Variants in PPM1B observed in about 807,000 individuals in gnomAD.
PPM1B encodes protein phosphatase, Mg2+/Mn2+ dependent 1B, also known as protein phosphatase 1B.
PPM1B carries 22 observed loss-of-function variants against 43.0 expected under a neutral mutation model. The ratio of observed to expected loss-of-function variants is 0.51; its 90% CI spans 0.37 to 0.73. The LOEUF (loss-of-function observed/expected upper bound fraction) is 0.73, where lower values mean the gene tolerates loss of function less well. Ranked by LOEUF, PPM1B falls within the 30% of genes least tolerant of loss-of-function variation. PPM1B has a pLI of 0.00. For missense variants in PPM1B, 632 were observed against 584.2 expected (o/e 1.08, Z -0.84); for synonymous variants, 217 against 197.9 (o/e 1.10, Z -0.81).
At chr2:44,235,451 A>G (rs535477389), downstream of PPM1B, among the ~76,000 whole-genome samples, 1 of 152,210 alleles carries the variant, frequency 6.6e-6, no homozygotes, top group South Asian at 2.1e-4. Context: ...TAAAAATACA[A>G]AATTAGCCAG....
Position 44,177,963 on chromosome 2 carries a change from G to T in PPM1B, c.-15+8689G>T, listed in dbSNP as rs150110963. Reference sequence around the variant, plus strand: ...AAGACAGTCCGGCTCTGTTGCTCAGGCAAGAGTGCAGTGGCTCAATCTTGG... The same window carrying T: ...AAGACAGTCCGGCTCTGTTGCTCAGTCAAGAGTGCAGTGGCTCAATCTTGG... On this transcript the variant is annotated intron_variant, in intron 1 of 5. Transcript: ENST00000282412. Among the ~76,000 whole-genome samples, 277 of 148,092 alleles carry T rather than the reference G, an allele frequency of 1.9e-3. 11 individuals are homozygous for T. In the East Asian group the frequency reaches 0.053, roughly 28 times the overall value.
intron 1 of PPM1B, among the ~76,000 whole-genome samples, chr2:44,179,217 A>C (rs1370325321): frequency 2.6e-5 from 4 of 152,208 alleles, no homozygotes; most frequent in African/African-American, 7.2e-5. Context: ...AGCAGTGATC[A>C]TGAGGCCTCC....
chr2:44,172,930 G>A (rs989313194), intron 1 of PPM1B, among the ~76,000 whole-genome samples: 1 of 152,210 alleles, frequency 6.6e-6, no homozygotes, highest in Non-Finnish European at 1.5e-5. Flanking sequence ...ATTCTGATGT[G>A]ACTTAATCTC....
downstream of PPM1B, among the ~76,000 whole-genome samples, chr2:44,235,738 A>C (rs901026081): frequency 1.3e-5 from 2 of 152,002 alleles, no homozygotes; most frequent in Non-Finnish European, 2.9e-5. Context: ...TCTACACACA[A>C]AAAAATTCTA....
chr2:44,222,795 ATTC>A (rs1670033768), intron 5 of PPM1B, among the ~76,000 whole-genome samples: 1 of 152,228 alleles, frequency 6.6e-6, no homozygotes, highest in Non-Finnish European at 1.5e-5. Flanking sequence ...ATCATTTCCC[ATTC>A]TTTTGTAAAT....
chr2:44,197,753 A>AG (rs1668731499), intron 1 of PPM1B, among the ~76,000 whole-genome samples: 1 of 152,194 alleles, frequency 6.6e-6, no homozygotes, highest in Admixed American at 6.5e-5. Context: ...TGGATACCCT[A>AG]GGTATCCCAG....
intron 1 of PPM1B, among the ~76,000 whole-genome samples, chr2:44,189,684 C>G (rs1242417849): frequency 2.6e-5 from 4 of 151,968 alleles, no homozygotes. Flanking sequence ...AGGCTGGTCT[C>G]GAACTCCTGA....
chr2:44,218,359 C>CT, intron 4 of PPM1B, 121 bp from the exon 5 acceptor site: 2 of 766,558 alleles, frequency 2.6e-6, no homozygotes, highest in Non-Finnish European at 4.3e-6. Context: ...AAGGTATGTT[C>CT]TTGACAAGTA....
intron 1 of PPM1B, among the ~76,000 whole-genome samples, chr2:44,177,363 G>C (rs1046136303): frequency 4.8e-5 from 7 of 146,802 alleles, no homozygotes; most frequent in Non-Finnish European, 7.5e-5. Context: ...AATTGAGTTT[G>C]TTTCTATTCA....
At chr2:44,202,100 AG>A in intron 2 of PPM1B, 55 bp downstream of exon 2, 1 of 1,439,872 alleles carries the variant, frequency 6.9e-7, no homozygotes, top group Non-Finnish European at 9.2e-7. Flanking sequence ...AAGTTACGGT[AG>A]GTAAAGTTAA....
chr2:44,218,354 A>G (rs1196806496), intron 4 of PPM1B, 126 bp from the exon 5 acceptor site: 2 of 741,616 alleles, frequency 2.7e-6, no homozygotes, highest in South Asian at 1.7e-5. Context: ...TGTAGAAGGT[A>G]TGTTCTTGAC....
chr2:44,218,397 T>C (rs1669822090), intron 4 of PPM1B, 83 bp from the exon 5 acceptor site: 1 of 1,030,220 alleles, frequency 9.7e-7, no homozygotes, highest in African/African-American at 1.6e-5. Flanking sequence ...TTTTTTAGTG[T>C]GGTCAGGATG....
intron 1 of PPM1B, among the ~76,000 whole-genome samples, chr2:44,189,140 G>A (rs1206976419): frequency 6.6e-6 from 1 of 151,954 alleles, no homozygotes; most frequent in African/African-American, 2.4e-5. Flanking sequence ...CCAAAGTGGT[G>A]GGATTACAGG....
intron 2 of PPM1B, among the ~76,000 whole-genome samples, chr2:44,205,635 A>G (rs892991288): frequency 9.2e-5 from 14 of 152,162 alleles, no homozygotes; most frequent in African/African-American, 3.4e-4. Flanking sequence ...TTTGTATTTT[A>G]TAGAAAAAGA....
At chr2:44,215,968 T>C (rs1249628234) in intron 3 of PPM1B, among the ~76,000 whole-genome samples, 1 of 152,190 alleles carries the variant, frequency 6.6e-6, no homozygotes, top group Non-Finnish European at 1.5e-5. Flanking sequence ...GGGAATGTTC[T>C]TAGTGAGTGC....
chr2:44,176,077 C>T (rs558431337), intron 1 of PPM1B, among the ~76,000 whole-genome samples: 1 of 152,186 alleles, frequency 6.6e-6, no homozygotes, highest in Admixed American at 6.5e-5. Context: ...AGTCACCATG[C>T]CCTGCCTGGT....
At chr2:44,216,026 T>C (rs1572737358) in intron 3 of PPM1B, among the ~76,000 whole-genome samples, 2 of 152,124 alleles carry the variant, frequency 1.3e-5, no homozygotes, top group East Asian at 3.9e-4. Flanking sequence ...AATTAAGAGG[T>C]TTGTAGGAGG....
chr2:44,183,618 G>A (rs75303897), intron 1 of PPM1B, among the ~76,000 whole-genome samples: 1 of 152,166 alleles, frequency 6.6e-6, no homozygotes, highest in Non-Finnish European at 1.5e-5. Context: ...ACATTGAAGG[G>A]CATACCAGTG....
At chr2:44,244,295 G>A (rs765636429) in exon 6 of PPM1B, 21 of 1,360,682 alleles carry the variant, frequency 1.5e-5, no homozygotes, top group Non-Finnish European at 2.1e-5. Context: ...GGCAGTGGCT[G>A]GCAGACCTTC....
Sources: allele counts gnomAD v4.1 joint callset (sites outside exome capture counted in the v4.1 genomes callset), GRCh38; gene constraint gnomAD v4.1.1; transcripts MANE v1.5; gene names NCBI Gene and HGNC (gene_info 2026-07-23, HGNC 2026-07-21).